MCC: variants seen among roughly 807,000 people sequenced by gnomAD.
MCC encodes colorectal mutant cancer protein.
A neutral mutation model predicts 116.2 loss-of-function variants in MCC; 90 were observed. That is an observed-to-expected ratio of 0.77 (90% CI 0.65 to 0.92). The LOEUF (loss-of-function observed/expected upper bound fraction) is 0.92, where lower values mean the gene tolerates loss of function less well. Among genes scored for constraint, MCC ranks in the 40% least tolerant of loss-of-function variants. MCC has a pLI of 0.00. For synonymous variants in MCC, 578 were observed against 510.5 expected, an observed-to-expected ratio of 1.13 and a Z score of -1.78; for missense variants, 1,516 against 1,312.2, an observed-to-expected ratio of 1.16 and a Z score of -2.40.
Position 113,104,373 on chromosome 5 carries a change from CA to C in MCC, c.1028-19del. Reference sequence around the variant, plus strand: ...GCAGTTGTCTGTGAGTGAATGAAGACAAAATGCGTTACACAGGGCAACAAAT... The same window carrying C: ...GCAGTTGTCTGTGAGTGAATGAAGACAAATGCGTTACACAGGGCAACAAAT... On this transcript the variant is annotated intron_variant, in intron 6 of 18. Coordinates refer to ENST00000408903, the MANE Select transcript of MCC (RefSeq NM_001085377.2). The C allele has an allele frequency of 6.3e-7, 1 of 1,592,596 alleles. No individual in the cohort carries two copies. The highest frequency in any genetic ancestry group is 8.6e-7 in the Non-Finnish European group (1 of 1,167,256).
intron 3 of MCC, among the ~76,000 whole-genome samples, chr5:113,325,047 C>T (rs1767518915): frequency 6.6e-6 from 1 of 151,978 alleles, no homozygotes; most frequent in Non-Finnish European, 1.5e-5. Context: ...ACTATGTTGC[C>T]CAGGCTGGTC....
At chr5:113,135,190 G>A (rs1258617560) in intron 5 of MCC, among the ~76,000 whole-genome samples, 1 of 150,146 alleles carries the variant, frequency 6.7e-6, no homozygotes, top group African/African-American at 2.4e-5. Context: ...CGCCCACCTC[G>A]GCCTCCCAAG....
At chr5:113,030,973 G>A (rs1307619850) in intron 17 of MCC, among the ~76,000 whole-genome samples, 1 of 152,168 alleles carries the variant, frequency 6.6e-6, no homozygotes, top group African/African-American at 2.4e-5. Flanking sequence ...GAACGGCATG[G>A]GAATGTGACG....
chr5:113,195,134 C>A (rs1196940466), intron 3 of MCC, among the ~76,000 whole-genome samples: 1 of 152,222 alleles, frequency 6.6e-6, no homozygotes, highest in Non-Finnish European at 1.5e-5. Flanking sequence ...AGGAAGCCAG[C>A]TCCAAGACCA....
At chr5:113,053,693 A>G (rs1306035142) in intron 15 of MCC, 32 bp downstream of exon 15, 1 of 1,508,426 alleles carries the variant, frequency 6.6e-7, no homozygotes, top group Non-Finnish European at 9.2e-7. Flanking sequence ...TCCTGGTGGC[A>G]GCCTAGCACA....
chr5:113,411,094 T>C (rs905457235), intron 1 of MCC, among the ~76,000 whole-genome samples: 1 of 152,212 alleles, frequency 6.6e-6, no homozygotes, highest in Non-Finnish European at 1.5e-5. Context: ...CATAGCAGCA[T>C]GATTTATCAT....
At chr5:113,126,358 GGGGC>G (rs1403456260) in intron 5 of MCC, among the ~76,000 whole-genome samples, 3 of 152,116 alleles carry the variant, frequency 2.0e-5, no homozygotes, top group Non-Finnish European at 4.4e-5. Flanking sequence ...CAAGATAAAT[GGGGC>G]TTCGAGAGGC....
intron 8 of MCC, among the ~76,000 whole-genome samples, chr5:113,090,529 C>T (rs1339702672): frequency 6.6e-6 from 1 of 152,122 alleles, no homozygotes; most frequent in South Asian, 2.1e-4. Flanking sequence ...GTGCCTGGGG[C>T]ATTGGCCGAA....
At chr5:113,366,972 T>G (rs1768703080) in intron 2 of MCC, among the ~76,000 whole-genome samples, 1 of 152,030 alleles carries the variant, frequency 6.6e-6, no homozygotes, top group African/African-American at 2.4e-5. Flanking sequence ...TGGCTAATTT[T>G]TAAAATTTTT....
intron 3 of MCC, among the ~76,000 whole-genome samples, chr5:113,153,225 A>G (rs1329592953): frequency 6.6e-6 from 1 of 152,288 alleles, no homozygotes; most frequent in Non-Finnish European, 1.5e-5. Flanking sequence ...GAGTGGGGAT[A>G]AGGATCCCAG....
Position 113,480,556 on chromosome 5 carries a change from G to A in MCC, c.170+7689C>T, listed in dbSNP as rs192449249. The stretch of plus-strand genomic sequence containing the variant: ...CGATGCTTCCTCAAGAATAAAAGTC[G>A]TGGTTATTGTCTGAGAAACTTCCAT... On this transcript the variant is annotated intron_variant, in intron 1 of 18. Coordinates refer to ENST00000408903, the MANE Select transcript of MCC (RefSeq NM_001085377.2). Among the ~76,000 whole-genome samples, 15 of 152,276 alleles carry A rather than the reference G, an allele frequency of 9.9e-5. No individual in the cohort carries two copies. In the East Asian group the frequency reaches 2.7e-3, roughly 27 times the overall value.
chr5:113,063,229 C>T (rs777867314), intron 14 of MCC, among the ~76,000 whole-genome samples: 3 of 152,128 alleles, frequency 2.0e-5, no homozygotes, highest in Non-Finnish European at 2.9e-5. Context: ...GGAAGGCATT[C>T]GTGTTTTTAG....
chr5:113,096,955 T>C lies in MCC; in HGVS notation c.1398+4784A>G, dbSNP rs569966941. ...CTCAGCTCCCTCCCATGCAGCTAGATGACAGCTGGGGAGAGCTGAGAGGAG... is the reference window on the plus strand; with the variant it reads ...CTCAGCTCCCTCCCATGCAGCTAGACGACAGCTGGGGAGAGCTGAGAGGAG... On this transcript the variant is annotated intron_variant, in intron 8 of 18. Transcript: ENST00000408903. Among the ~76,000 whole-genome samples, 32 of 152,248 alleles carry C rather than the reference T, an allele frequency of 2.1e-4. No individual in the cohort carries two copies. The South Asian group carries it at 4.2e-3, about 20-fold the overall frequency.
chr5:113,109,319 G>A (rs1282413158), intron 6 of MCC, among the ~76,000 whole-genome samples: 1 of 152,174 alleles, frequency 6.6e-6, no homozygotes, highest in Non-Finnish European at 1.5e-5. Flanking sequence ...ACAATGTAAT[G>A]TTATTCAGCC....
At chr5:113,462,109 T>C (rs1459415358) in intron 1 of MCC, among the ~76,000 whole-genome samples, 1 of 152,224 alleles carries the variant, frequency 6.6e-6, no homozygotes, top group African/African-American at 2.4e-5. Context: ...AAAATGGTAT[T>C]TTCTTGCTTT....
chr5:113,447,571 G>GAGGAAGA (rs1331820948), intron 1 of MCC, among the ~76,000 whole-genome samples: 1 of 152,164 alleles, frequency 6.6e-6, no homozygotes, highest in Non-Finnish European at 1.5e-5. Flanking sequence ...TTTGACAGAT[G>GAGGAAGA]AGGAAGAACA....
chr5:113,366,707 T>C (rs1405919655), intron 2 of MCC, among the ~76,000 whole-genome samples: 1 of 152,212 alleles, frequency 6.6e-6, no homozygotes, highest in South Asian at 2.1e-4. Flanking sequence ...TTACTTAGAT[T>C]TTAGACTCAT....
chr5:113,410,549 A>G (rs752877927), intron 1 of MCC, among the ~76,000 whole-genome samples: 3 of 152,216 alleles, frequency 2.0e-5, no homozygotes, highest in Non-Finnish European at 2.9e-5. Context: ...AGGTTTAAAT[A>G]TCTGACACTG....
At chr5:113,438,169 C>A (rs916859150) in intron 1 of MCC, among the ~76,000 whole-genome samples, 2 of 152,164 alleles carry the variant, frequency 1.3e-5, no homozygotes, top group Non-Finnish European at 2.9e-5. Context: ...ACCTGTGTTT[C>A]TTTCCCCTAA....
Sources: gnomAD v4.1 joint callset for allele counts (sites outside exome capture counted in the v4.1 genomes callset) on GRCh38, gnomAD v4.1.1 for gene constraint, MANE v1.5 for transcripts, NCBI Gene and HGNC (gene_info 2026-07-23, HGNC 2026-07-21) for gene names.